PDILT: variants seen among roughly 807,000 people sequenced by gnomAD.
PDILT encodes protein disulfide isomerase like, testis expressed.
A neutral mutation model predicts 53.7 loss-of-function variants in PDILT; 43 were observed. That is an observed-to-expected ratio of 0.80 (90% CI 0.63 to 1.03). The LOEUF is 1.03. PDILT is among the 50% of genes least tolerant of loss of function. PDILT has a pLI of 0.00. For missense variants in PDILT, 727 were observed against 712.3 expected, an observed-to-expected ratio of 1.02 and a Z score of -0.24; for synonymous variants, 282 against 274.2, an observed-to-expected ratio of 1.03 and a Z score of -0.28.
At chr16:20,386,832 G>A (rs1407203331) in intron 2 of PDILT, among the ~76,000 whole-genome samples, 1 of 152,238 alleles carries the variant, frequency 6.6e-6, no homozygotes, top group Non-Finnish European at 1.5e-5. Flanking sequence ...ATTGCTGATT[G>A]ACATAGAATC....
chr16:20,403,257 A>G (rs570912500), intron 1 of PDILT, among the ~76,000 whole-genome samples: 2 of 151,962 alleles, frequency 1.3e-5, no homozygotes, highest in East Asian at 3.9e-4. Flanking sequence ...ACCTCAACCC[A>G]TTCCCCACAC....
chr16:20,362,996 C>T (rs1406546509), intron 9 of PDILT, among the ~76,000 whole-genome samples: 4 of 132,920 alleles, frequency 3.0e-5, no homozygotes, highest in Non-Finnish European at 6.2e-5. Flanking sequence ...TGCTTGAACC[C>T]GGGAGGTGGA....
At chr16:20,360,719 T>G in intron 10 of PDILT, 62 bp from the exon 11 acceptor site, 1 of 1,277,452 alleles carries the variant, frequency 7.8e-7, no homozygotes. Context: ...GCTCGAGGAT[T>G]GCTACCTAGG....
chr16:20,369,513 G>T lies in PDILT; in HGVS notation c.1095C>A (p.Ser365Arg). Residue 365 changes from serine (S) to arginine (R), a missense_variant, in exon 8 of 12, where the codon AGC becomes AGA. By Grantham distance (110) the Ser-to-Arg change is moderately radical. Coordinates refer to ENST00000302451, the MANE Select transcript of PDILT (RefSeq NM_174924.2). ...CTACTGTGGCATTTTTACTCAGGAA[G>T]CTGCGGCCAAATTTCTTGAGGCTTT... ...TYESLKKFGR[S>R]FLSKNATKHQ... The T allele has an allele frequency of 6.2e-7, 1 of 1,614,174 alleles. No homozygotes were observed.
At chr16:20,367,508 T>C (rs1399770052) in intron 8 of PDILT, among the ~76,000 whole-genome samples, 6 of 152,190 alleles carry the variant, frequency 3.9e-5, no homozygotes, top group African/African-American at 1.2e-4. Context: ...GTGGATCTCA[T>C]AGATCTTGTA....
rs558283115 is a variant in PDILT, at chr16:20,404,556, T to G, written c.-68A>C. On this transcript the variant is annotated 5_prime_UTR_variant, in exon 1 of 12. Transcript: ENST00000302451. Reference sequence around the variant, plus strand: ...GGCCAAGGTGGGGCTGTGCTGGGGGTGGGGCCACAAACTCTGTGGCCCTTA... The same window carrying G: ...GGCCAAGGTGGGGCTGTGCTGGGGGGGGGGCCACAAACTCTGTGGCCCTTA... 9.2e-5 allele frequency: 14 copies of G among 152,152 alleles called. No homozygotes were observed. Among genetic ancestry groups the G allele is most frequent in the African/African-American group, 3.1e-4 (13 of 41,442 alleles). 9.4% of individuals were successfully genotyped at this position (152,152 alleles called of 1,614,324 possible).
Position 20,376,130 on chromosome 16 carries a change from T to A in PDILT, c.481A>T (p.Ser161Cys). Residue 161 changes from serine to cysteine, a missense_variant, in exon 4 of 12, where the codon AGC becomes TGC. Transcript: ENST00000302451. ...ACAAACTCTGCCACCTGCTCGCTGC[T>A]GTTGAACAAAAATGCTTTCTGGCTA... Reference protein sequence around the residue: ...QISQKAFLFNSSEQVAEFVIS... With the variant: ...QISQKAFLFNCSEQVAEFVIS... 1.2e-6 allele frequency: 2 copies of A among 1,614,196 alleles called. No homozygotes were observed. The highest frequency in any genetic ancestry group is 1.7e-6 in the Non-Finnish European group (2 of 1,180,030).
chr16:20,376,642 A>C (rs1036324091), intron 3 of PDILT, among the ~76,000 whole-genome samples: 1 of 152,216 alleles, frequency 6.6e-6, no homozygotes, highest in Admixed American at 6.5e-5. Context: ...TAAAATCTCA[A>C]TAAAATATAA....
At chr16:20,363,514 A>G (rs1199659387) in intron 9 of PDILT, among the ~76,000 whole-genome samples, 1 of 151,798 alleles carries the variant, frequency 6.6e-6, no homozygotes, top group Non-Finnish European at 1.5e-5. Flanking sequence ...TATGTGTTAC[A>G]GCACACGGGG....
intron 8 of PDILT, among the ~76,000 whole-genome samples, chr16:20,368,245 T>C (rs1044220078): frequency 3.3e-5 from 5 of 151,520 alleles, no homozygotes; most frequent in Admixed American, 1.3e-4. Flanking sequence ...GACAGCAGAG[T>C]TGGGGCTAGG....
intron 9 of PDILT, among the ~76,000 whole-genome samples, chr16:20,364,861 A>G (rs1005979418): frequency 6.6e-6 from 1 of 152,168 alleles, no homozygotes; most frequent in African/African-American, 2.4e-5. Context: ...CCCACCTCCT[A>G]TGGGCCATTT....
At chr16:20,377,421 A>G (rs1966402753) in intron 3 of PDILT, among the ~76,000 whole-genome samples, 1 of 152,184 alleles carries the variant, frequency 6.6e-6, no homozygotes, top group South Asian at 2.1e-4. Flanking sequence ...CTTACTATCA[A>G]GTGCTGTACT....
intron 5 of PDILT, among the ~76,000 whole-genome samples, chr16:20,374,107 A>G (rs1966347391): frequency 6.6e-6 from 1 of 150,768 alleles, no homozygotes; most frequent in African/African-American, 2.4e-5. Flanking sequence ...CCATGCTTGA[A>G]TAACTTTTTT....
At chr16:20,366,850 C>T (rs752614481) in intron 8 of PDILT, among the ~76,000 whole-genome samples, 5 of 152,136 alleles carry the variant, frequency 3.3e-5, no homozygotes, top group Non-Finnish European at 5.9e-5. Context: ...CCTCCCAATC[C>T]TCCCACACCT....
intron 7 of PDILT, among the ~76,000 whole-genome samples, chr16:20,371,925 ATGACCATTACT>A (rs1333295313): frequency 6.6e-6 from 1 of 152,172 alleles, no homozygotes; most frequent in Non-Finnish European, 1.5e-5. Context: ...GGAATGTAGC[ATGACCATTACT>A]TGTGTTATAT....
chr16:20,378,330 C>T (rs1318317364), intron 3 of PDILT, among the ~76,000 whole-genome samples: 2 of 152,126 alleles, frequency 1.3e-5, no homozygotes, highest in African/African-American at 2.4e-5. Flanking sequence ...CTGTTGTGCC[C>T]ACTCCCAGCC....
At chr16:20,367,059 CTTTCTTTCTTTCTTTCTTTCTTTCT>C (rs1966217562) in intron 8 of PDILT, among the ~76,000 whole-genome samples, 2 of 111,904 alleles carry the variant, frequency 1.8e-5, no homozygotes, top group Admixed American at 9.8e-5. Context: ...TTCTTTCTTT[CTTTCTTTCTTTCTTTCTTTCTTTCT>C]TTCTTTCTTT....
rs753129109 is a variant in PDILT, at chr16:20,362,424, A to G, written c.1396T>C (p.Phe466Leu). Residue 466 changes from phenylalanine (F) to leucine (L), a missense_variant, in exon 10 of 12, where the codon TTC (phenylalanine) becomes CTC (leucine). Phe to Leu is a conservative substitution (Grantham distance 22). Transcript: ENST00000302451. ...CTCACTTGTTGAGAGCCGCTGGGGAACAGCCTGAAGAATGGGTACCGGTCC... is the reference window on the plus strand; with the variant it reads ...CTCACTTGTTGAGAGCCGCTGGGGAGCAGCCTGAAGAATGGGTACCGGTCC... ...YLDRYPFFRLFPSGSQQAVLY... is the reference protein window; with the variant it reads ...YLDRYPFFRLLPSGSQQAVLY... 1.1e-4 allele frequency: 181 copies of G among 1,614,072 alleles called. No individual in the cohort carries two copies. Among genetic ancestry groups the G allele is most frequent in the Non-Finnish European group, 1.5e-4 (178 of 1,180,024 alleles).
At chr16:20,391,597 A>C (rs529446261) in intron 2 of PDILT, among the ~76,000 whole-genome samples, 3 of 152,264 alleles carry the variant, frequency 2.0e-5, no homozygotes, top group Admixed American at 2.0e-4. Flanking sequence ...GGCCAAAGGA[A>C]ATCTCATTCA....
Sources: gnomAD v4.1 joint callset for allele counts (sites outside exome capture counted in the v4.1 genomes callset) on GRCh38, gnomAD v4.1.1 for gene constraint, MANE v1.5 for transcripts, NCBI Gene and HGNC (gene_info 2026-07-23, HGNC 2026-07-21) for gene names.